ACTN4: variants seen among roughly 807,000 people sequenced by gnomAD.
The protein encoded by ACTN4 is actinin alpha 4.
In ACTN4, 18 loss-of-function variants were observed where a neutral mutation model predicts 114.2. That is an observed-to-expected ratio of 0.16 (90% CI 0.11 to 0.23). The LOEUF (loss-of-function observed/expected upper bound fraction) is 0.23. Ranked by LOEUF, ACTN4 falls within the 10% of genes least tolerant of loss-of-function variation. The pLI is 1.00. For missense variants in ACTN4, 722 were observed against 1,262.9 expected, an observed-to-expected ratio of 0.57 and a Z score of 6.49; for synonymous variants, 515 against 506.3, an observed-to-expected ratio of 1.02 and a Z score of -0.23.
At chr19:38,716,574 C>T (rs1968847853) in intron 9 of ACTN4, among the ~76,000 whole-genome samples, 1 of 152,254 alleles carries the variant, frequency 6.6e-6, no homozygotes, top group Non-Finnish European at 1.5e-5. Flanking sequence ...TGGCTCACCC[C>T]TGTCATCCCA....
chr19:38,677,195 CCAT>C (rs141097656), intron 1 of ACTN4, among the ~76,000 whole-genome samples: 3,734 of 152,246 alleles, frequency 0.025, 151 homozygotes, highest in African/African-American at 0.081. Flanking sequence ...AGGAGCATGT[CCAT>C]CACCTCTACT....
chr19:38,708,748 C>G (rs1455225815), intron 6 of ACTN4, among the ~76,000 whole-genome samples: 1 of 152,210 alleles, frequency 6.6e-6, no homozygotes, highest in Non-Finnish European at 1.5e-5. Flanking sequence ...GGGGTCAGAT[C>G]AGTGCTGCGG....
chr19:38,680,212 GTTTTTTTTTTTTTTTT>G (rs75920199), intron 1 of ACTN4, among the ~76,000 whole-genome samples: 5 of 124,316 alleles, frequency 4.0e-5, no homozygotes, highest in African/African-American at 1.0e-4. Context: ...AGCTCAGGAA[GTTTTTTTTTTTTTTTT>G]TTTTTTTTTT....
chr19:38,680,158 G>C (rs961246713), intron 1 of ACTN4, among the ~76,000 whole-genome samples: 1 of 144,472 alleles, frequency 6.9e-6, no homozygotes, highest in Non-Finnish European at 1.5e-5. Context: ...GAGCAACCTT[G>C]TATTTGTCCG....
chr19:38,680,807 A>G (rs1026988410), intron 1 of ACTN4, among the ~76,000 whole-genome samples: 1 of 152,004 alleles, frequency 6.6e-6, no homozygotes, highest in African/African-American at 2.4e-5. Flanking sequence ...GTCCTTACTC[A>G]GGACCATATA....
At chr19:38,720,505 A>G (rs535441553) in intron 11 of ACTN4, among the ~76,000 whole-genome samples, 1 of 152,274 alleles carries the variant, frequency 6.6e-6, no homozygotes, top group Non-Finnish European at 1.5e-5. Context: ...GTGGAGCCAG[A>G]GTCTCCCAGG....
chr19:38,697,453 A>G (rs966223701), intron 1 of ACTN4, among the ~76,000 whole-genome samples: 2 of 152,360 alleles, frequency 1.3e-5, no homozygotes, highest in South Asian at 4.1e-4. Flanking sequence ...CCCTAGTTTA[A>G]TTCTTAGAGC....
chr19:38,662,057 G>A (rs971254395), intron 1 of ACTN4, among the ~76,000 whole-genome samples: 1 of 152,184 alleles, frequency 6.6e-6, no homozygotes, highest in Non-Finnish European at 1.5e-5. Context: ...CAGTTGGAGT[G>A]AGGGTGGTTC....
chr19:38,707,270 C>G (rs1230602939), intron 5 of ACTN4, among the ~76,000 whole-genome samples: 2 of 151,612 alleles, frequency 1.3e-5, no homozygotes, highest in Non-Finnish European at 2.9e-5. Context: ...CTAGCATGCC[C>G]GCTGCATGCC....
At chr19:38,720,867 C>T (rs1460863306) in intron 11 of ACTN4, among the ~76,000 whole-genome samples, 3 of 152,222 alleles carry the variant, frequency 2.0e-5, no homozygotes, top group Non-Finnish European at 4.4e-5. Context: ...AGCCACCTTC[C>T]CAGGCTGGCA....
chr19:38,696,548 C>G (rs187611941), intron 1 of ACTN4, among the ~76,000 whole-genome samples: 191 of 152,250 alleles, frequency 1.3e-3, no homozygotes, highest in Non-Finnish European at 2.1e-3. Flanking sequence ...TTTTTAATGT[C>G]CCATTCGAAC....
At position 38,647,829 on chromosome 19, in the gene ACTN4, G is replaced by C; in HGVS notation, c.84G>C (p.Met28Ile). 6.4e-7 allele frequency: 1 copy of C among 1,553,100 alleles called. No individual in the cohort carries two copies. Among genetic ancestry groups the C allele is most frequent in the South Asian group, 1.2e-5 (1 of 84,536 alleles). ...AGNGAGGGGS[M>I]GDYMAQEDDW... ...ATGGCGCTGGCGGCGGGGGCAGCAT[G>C]GGCGACTACATGGCCCAGGAGGACG... The change falls in exon 1 of 21, where the codon ATG becomes ATC. Residue 28 changes from methionine to isoleucine, a missense_variant. Around this residue, in one of 3 missense-constraint regions of ACTN4, gnomAD observed 72 missense variants for 75.6 expected, o/e 0.95. Coordinates refer to ENST00000252699, the MANE Select transcript of ACTN4 (RefSeq NM_004924.6).
intron 1 of ACTN4, among the ~76,000 whole-genome samples, chr19:38,662,911 T>G (rs1976932584): frequency 6.9e-6 from 1 of 145,780 alleles, no homozygotes; most frequent in Admixed American, 6.8e-5. Flanking sequence ...GTGGGTCTGT[T>G]TTTTTTTTTT....
At position 38,714,242 on chromosome 19, in the gene ACTN4, G is replaced by A. The variant is rs184123145; in HGVS notation, c.820-227G>A. ...GGAGGGCTCCCCAACCCTCCTCGGTGCCTCCAGGGTCTGGGCTTTCTGGAC... is the reference window on the plus strand; with the variant it reads ...GGAGGGCTCCCCAACCCTCCTCGGTACCTCCAGGGTCTGGGCTTTCTGGAC... On this transcript the variant is annotated intron_variant, in intron 8 of 20. Transcript: ENST00000252699. 1.5e-4 allele frequency among the ~76,000 whole-genome samples: 23 copies of A among 152,326 alleles called. No homozygotes were observed. The East Asian group carries it at 3.1e-3, about 20-fold the overall frequency.
intron 6 of ACTN4, among the ~76,000 whole-genome samples, chr19:38,708,733 G>A (rs2078676414): frequency 1.3e-5 from 2 of 152,228 alleles, no homozygotes; most frequent in South Asian, 4.1e-4. Flanking sequence ...GGGGTGGCAG[G>A]GCATGGGGTC....
At chr19:38,703,423 A>T (rs1968350131) in intron 3 of ACTN4, among the ~76,000 whole-genome samples, 1 of 151,980 alleles carries the variant, frequency 6.6e-6, no homozygotes, top group Non-Finnish European at 1.5e-5. Context: ...TTTTTAGTAG[A>T]GACGGGGCTT....
At chr19:38,647,964 G>T in intron 1 of ACTN4, 57 bp downstream of exon 1, 1 of 1,409,414 alleles carries the variant, frequency 7.1e-7, no homozygotes, top group South Asian at 1.5e-5. Flanking sequence ...GGCCCGGGGA[G>T]GGGTGGGAGG....
chr19:38,677,738 C>T (rs1568694844), intron 1 of ACTN4, among the ~76,000 whole-genome samples: 1 of 152,046 alleles, frequency 6.6e-6, no homozygotes, highest in Non-Finnish European at 1.5e-5. Context: ...CGATGCTTTT[C>T]TTTTTTTTCT....
chr19:38,672,302 G>A (rs1432239028), intron 1 of ACTN4, among the ~76,000 whole-genome samples: 5 of 147,976 alleles, frequency 3.4e-5, no homozygotes, highest in East Asian at 2.0e-4. Context: ...GTACAGTGGC[G>A]TGATATCGGC....
Sources: gnomAD v4.1 joint callset for allele counts (sites outside exome capture counted in the v4.1 genomes callset) on GRCh38, gnomAD v4.1.1 for gene constraint, gnomAD v4.1.1 regional missense constraint, MANE v1.5 for transcripts, NCBI Gene and HGNC (gene_info 2026-07-23, HGNC 2026-07-21) for gene names.